SELENOO: variants seen among roughly 807,000 people sequenced by gnomAD.
SELENOO encodes protein adenylyltransferase SelO, mitochondrial.
SELENOO carries 74 observed loss-of-function variants against 58.7 expected under a neutral mutation model. The ratio of observed to expected loss-of-function variants is 1.26; its 90% CI spans 1.04 to 1.53. The LOEUF (loss-of-function observed/expected upper bound fraction) is 1.53. SELENOO is among the 40% of genes most tolerant of loss of function. SELENOO has a pLI of 0.00. For synonymous variants in SELENOO, 543 were observed against 453.2 expected (o/e 1.20, Z -2.52); for missense variants, 1,149 against 970.0 (o/e 1.18, Z -2.45).
Position 50,201,126 on chromosome 22 carries a change from C to A in SELENOO, c.90C>A (p.Arg30=). The A allele has an allele frequency of 7.5e-7, 1 of 1,324,546 alleles. No homozygotes were observed. The highest frequency in any genetic ancestry group is 9.6e-7 in the Non-Finnish European group (1 of 1,040,306). The allele number at this position is 1,324,546 out of a possible 1,614,324, so 82.0% of individuals were successfully genotyped here. The stretch of plus-strand genomic sequence containing the variant: ...GCTGTTCCCCGTCGCCGGCGCCCCG[C>A]TCTACGTTGTCGGGCGCCGCCATGG... ...LGRCSPSPAP[R]STLSGAAMEP... is the part of the protein sequence containing the mutation. The change falls in exon 1 of 9, where the codon CGC becomes CGA. Residue 30 remains arginine (R), a synonymous_variant. Transcript: ENST00000380903.
rs560210177 is a variant in SELENOO at position 50,211,885 on chromosome 22, TAG to T, written c.1351+978_1351+979del. Reference sequence around the variant, plus strand: ...CACCCGGCTAATTTTGTATTTTTAGTAGAGACAGGGTTTCGCCGTGTTGGTCA... The same window carrying T: ...CACCCGGCTAATTTTGTATTTTTAGTAGACAGGGTTTCGCCGTGTTGGTCA... On this transcript the variant is annotated intron_variant, in intron 5 of 8. Transcript: ENST00000380903. 2.2e-4 allele frequency among the ~76,000 whole-genome samples: 33 copies of T among 152,280 alleles called. No homozygotes were observed. In the South Asian group the frequency reaches 6.6e-3, roughly 31 times the overall value.
At chr22:50,201,730 C>G in intron 1 of SELENOO, 140 bp downstream of exon 1, 1 of 514,558 alleles carries the variant, frequency 1.9e-6, no homozygotes, top group Non-Finnish European at 2.9e-6. Flanking sequence ...GCGGTGCTGG[C>G]AGCCGCCCGC....
At chr22:50,211,060 T>A (rs2064368386) in intron 5 of SELENOO, 149 bp downstream of exon 5, 1 of 799,640 alleles carries the variant, frequency 1.3e-6, no homozygotes, top group Non-Finnish European at 2.0e-6. Flanking sequence ...TCTGTCTTTA[T>A]GAATTTGGTG....
intron 2 of SELENOO, among the ~76,000 whole-genome samples, chr22:50,206,895 G>GT (rs981459238): frequency 6.6e-6 from 1 of 152,084 alleles, no homozygotes; most frequent in Non-Finnish European, 1.5e-5. Flanking sequence ...GTGCTTCTGG[G>GT]GGGGAGGGGG....
chr22:50,204,935 T>C (rs1034170034), intron 1 of SELENOO, among the ~76,000 whole-genome samples: 3 of 152,250 alleles, frequency 2.0e-5, no homozygotes, highest in Non-Finnish European at 4.4e-5. Flanking sequence ...GATGCTGATA[T>C]GCTACAACAC....
intron 5 of SELENOO, among the ~76,000 whole-genome samples, chr22:50,214,438 G>A (rs1383971697): frequency 6.6e-6 from 1 of 152,214 alleles, no homozygotes; most frequent in East Asian, 1.9e-4. Flanking sequence ...TGGCCAACAT[G>A]GTGAAACTCC....
At chr22:50,208,815 A>G in intron 3 of SELENOO, 99 bp downstream of exon 3, 2 of 1,204,494 alleles carry the variant, frequency 1.7e-6, no homozygotes, top group Non-Finnish European at 1.2e-6. Context: ...AAAGGCTTTT[A>G]CCCAGCCTCC....
intron 5 of SELENOO, among the ~76,000 whole-genome samples, chr22:50,215,431 G>A (rs2147166895): frequency 6.6e-6 from 1 of 151,710 alleles, no homozygotes; most frequent in African/African-American, 2.4e-5. Flanking sequence ...CTGTGCTGGG[G>A]GCAGCATTTG....
In SELENOO at chr22:50,217,105, G is replaced by A. The variant is rs756116403; in HGVS notation, c.1822G>A (p.Ala608Thr). ...CATCGCGCAGAATGCCATCGAGGCTGCCGAGCGCGGGGACTTCTCAGAGGC... is the reference window on the plus strand; with the variant it reads ...CATCGCGCAGAATGCCATCGAGGCTACCGAGCGCGGGGACTTCTCAGAGGC... Reference protein sequence around the residue: ...NYIAQNAIEAAERGDFSEVRR... With the variant: ...NYIAQNAIEATERGDFSEVRR... The change falls in exon 8 of 9, where the codon GCC becomes ACC. Residue 608 changes from alanine (A) to threonine (T), a missense_variant. Coordinates refer to ENST00000380903, the MANE Select transcript of SELENOO (RefSeq NM_031454.2). 4 of 1,612,996 alleles carry A rather than the reference G, an allele frequency of 2.5e-6. No homozygotes were observed. The highest frequency in any genetic ancestry group is 2.5e-6 in the Non-Finnish European group (3 of 1,179,906).
Position 50,201,031 on chromosome 22 carries a change from C to G in SELENOO, c.-6C>G, listed in dbSNP as rs1438415601. The G allele has an allele frequency of 8.0e-7, 1 of 1,249,978 alleles. No homozygotes were observed. The highest frequency in any genetic ancestry group is 1.0e-6 in the Non-Finnish European group (1 of 996,992). The allele number at this position is 1,249,978 out of a possible 1,614,324, so 77.4% of individuals were successfully genotyped here. ...AGGCTGGCTTCCGGCGGGAGCGGGGCCGCGGATGGCCGTATACAGGGCAGC... is the reference window on the plus strand; with the variant it reads ...AGGCTGGCTTCCGGCGGGAGCGGGGGCGCGGATGGCCGTATACAGGGCAGC... On this transcript the variant is annotated 5_prime_UTR_variant, in exon 1 of 9. Coordinates refer to ENST00000380903, the MANE Select transcript of SELENOO (RefSeq NM_031454.2).
At position 50,210,229 on chromosome 22, in the gene SELENOO, T is replaced by C. The variant is rs1346540447; in HGVS notation, c.988T>C (p.Phe330Leu). ...RMVAEWQCVG[F>L]CHGVLNTDNM... ...GGTGGCCGAGTGGCAGTGTGTGGGC[T>C]TCTGCCACGGCGTGCTCAACACCGA... Residue 330 changes from phenylalanine to leucine, a missense_variant, in exon 4 of 9, where the codon TTC (phenylalanine) becomes CTC (leucine). Physicochemically the swap from Phe to Leu is conservative, Grantham distance 22 (BLOSUM62 0). Coordinates refer to ENST00000380903, the MANE Select transcript of SELENOO (RefSeq NM_031454.2). 1 of 1,613,426 alleles carries C rather than the reference T, an allele frequency of 6.2e-7. No homozygotes were observed. Among genetic ancestry groups the C allele is most frequent in the Non-Finnish European group, 8.5e-7 (1 of 1,179,960 alleles).
intron 1 of SELENOO, among the ~76,000 whole-genome samples, chr22:50,203,649 A>G (rs2064315570): frequency 6.6e-6 from 1 of 152,230 alleles, no homozygotes; most frequent in Admixed American, 6.5e-5. Flanking sequence ...GGTGCTGGGA[A>G]AACTGGATCC....
chr22:50,210,227 G>A lies in SELENOO; in HGVS notation c.986G>A (p.Gly329Asp). ...ATGGTGGCCGAGTGGCAGTGTGTGG[G>A]CTTCTGCCACGGCGTGCTCAACACC... The part of the protein sequence containing the change: ...ARMVAEWQCV[G>D]FCHGVLNTDN... The change falls in exon 4 of 9, where the codon GGC becomes GAC. Residue 329 changes from glycine (G) to aspartate (D), a missense_variant. By Grantham distance (94) the Gly-to-Asp change is moderately conservative. Coordinates refer to ENST00000380903, the MANE Select transcript of SELENOO (RefSeq NM_031454.2). 1 of 1,613,410 alleles carries A rather than the reference G, an allele frequency of 6.2e-7. No individual in the cohort carries two copies. Among genetic ancestry groups the A allele is most frequent in the Non-Finnish European group, 8.5e-7 (1 of 1,179,960 alleles).
intron 1 of SELENOO, among the ~76,000 whole-genome samples, chr22:50,203,007 T>G (rs79753353): frequency 0.016 from 2,447 of 152,378 alleles, 53 homozygotes; most frequent in East Asian, 0.075. Context: ...AACGGTACTC[T>G]TTGAAGAGAT....
At chr22:50,206,159 C>T (rs1221538935) in intron 1 of SELENOO, 158 bp from the exon 2 acceptor site, 1 of 634,694 alleles carries the variant, frequency 1.6e-6, no homozygotes, top group Non-Finnish European at 2.8e-6. Flanking sequence ...GTGTTGGAGG[C>T]TCACAAGGCA....
intron 2 of SELENOO, among the ~76,000 whole-genome samples, chr22:50,207,884 C>T (rs1376186316): frequency 7.1e-6 from 1 of 141,620 alleles, no homozygotes; most frequent in African/African-American, 2.6e-5. Context: ...AGGCCACGCC[C>T]CTCCGTGTGT....
chr22:50,201,129 T>C lies in SELENOO; in HGVS notation c.93T>C (p.Ser31=), dbSNP rs2064295797. 5 of 1,318,066 alleles carry C rather than the reference T, an allele frequency of 3.8e-6. No individual in the cohort carries two copies. Among genetic ancestry groups the C allele is most frequent in the Non-Finnish European group, 4.8e-6 (5 of 1,037,064 alleles). 81.6% of individuals were successfully genotyped at this position (1,318,066 alleles called of 1,614,324 possible). A position where few individuals can be genotyped will look rare whatever the true frequency, so the allele number is the denominator to read the frequency against. Residue 31 remains serine, a synonymous_variant, in exon 1 of 9, where the codon TCT becomes TCC. Coordinates refer to ENST00000380903, the MANE Select transcript of SELENOO (RefSeq NM_031454.2). ...GRCSPSPAPR[S]TLSGAAMEPA... ...GTTCCCCGTCGCCGGCGCCCCGCTC[T>C]ACGTTGTCGGGCGCCGCCATGGAGC...
chr22:50,208,588 G>A lies in SELENOO; in HGVS notation c.811G>A (p.Gly271Ser). The change falls in exon 3 of 9, where the codon GGC becomes AGC. Residue 271 changes from glycine to serine, a missense_variant. By Grantham distance (56) the Gly-to-Ser change is moderately conservative (BLOSUM62 0). Transcript: ENST00000380903. ...TGCAGATGAGCACACAGGGCGTGCA[G>A]GCCCCAGCGTGGGGAGGAACGACAT... ...KSADEHTGRAGPSVGRNDIRV... is the reference protein window; with the variant it reads ...KSADEHTGRASPSVGRNDIRV... The A allele has an allele frequency of 6.2e-7, 1 of 1,613,972 alleles. No individual in the cohort carries two copies. The highest frequency in any genetic ancestry group is 8.5e-7 in the Non-Finnish European group (1 of 1,180,000).
chr22:50,209,728 C>A (rs576853772), intron 3 of SELENOO, among the ~76,000 whole-genome samples: 2 of 152,270 alleles, frequency 1.3e-5, no homozygotes, highest in South Asian at 4.1e-4. Flanking sequence ...TCCTGGCCCC[C>A]CTGTTGATTG....
Sources: gnomAD v4.1 joint callset for allele counts (sites outside exome capture counted in the v4.1 genomes callset) on GRCh38, gnomAD v4.1.1 for gene constraint, MANE v1.5 for transcripts, NCBI Gene and HGNC (gene_info 2026-07-23, HGNC 2026-07-21) for gene names.